The following SSPN variants were observed in gnomAD, a reference collection of about 807,000 sequenced individuals.
The protein encoded by SSPN is K-ras oncogene-associated protein.
In SSPN, 15 loss-of-function variants were observed where a neutral mutation model predicts 19.1. That is an observed-to-expected ratio of 0.78 (90% CI 0.52 to 1.21). The LOEUF is 1.21. Among genes scored for constraint, SSPN ranks in the 50% most tolerant of loss-of-function variants. The probability of loss-of-function intolerance (pLI) is 0.00; values close to 1 mark genes in which losing one functional copy is unlikely to be tolerated. For synonymous variants in SSPN, 147 were observed against 140.3 expected (o/e 1.05, Z -0.34); for missense variants, 291 against 314.0 (o/e 0.93, Z 0.55).
At chr12:26,122,681 C>T (rs1944322607) in intron 1 of SSPN, 1 of 1,551,916 alleles carries the variant, frequency 6.4e-7, no homozygotes, top group South Asian at 1.2e-5. Flanking sequence ...GCTTCATCCT[C>T]TTGGGCGCCG....
intron 1 of SSPN, among the ~76,000 whole-genome samples, chr12:26,221,683 A>C (rs758046185): frequency 6.6e-6 from 1 of 152,204 alleles, no homozygotes; most frequent in Non-Finnish European, 1.5e-5. Flanking sequence ...TTATTACTGG[A>C]ATGTGTCTCT....
At chr12:26,202,117 T>C (rs1944891376) in intron 1 of SSPN, among the ~76,000 whole-genome samples, 1 of 152,178 alleles carries the variant, frequency 6.6e-6, no homozygotes, top group African/African-American at 2.4e-5. Flanking sequence ...TAATACAATA[T>C]AAATACTATG....
intron 2 of SSPN, among the ~76,000 whole-genome samples, chr12:26,226,537 G>T (rs1472352045): frequency 1.3e-5 from 2 of 152,094 alleles, no homozygotes; most frequent in Non-Finnish European, 2.9e-5. Flanking sequence ...GCCCTCTGGG[G>T]GTTCGGGGAT....
At chr12:26,204,940 A>G (rs1313312585) in intron 1 of SSPN, among the ~76,000 whole-genome samples, 1 of 152,220 alleles carries the variant, frequency 6.6e-6, no homozygotes, top group Non-Finnish European at 1.5e-5. Flanking sequence ...TTTTGAGCAT[A>G]TTTAAAGTTG....
At position 26,124,937 on chromosome 12, in the gene SSPN, T is replaced by TC. The variant is rs200202440; in HGVS notation, c.-31+2793dup. The TC allele has an allele frequency of 8.6e-3, 6,482 of 751,328 alleles. 73 individuals carry two copies. Among genetic ancestry groups the TC allele is most frequent in the African/African-American group, 0.035 (2,033 of 57,744 alleles). 46.5% of individuals were successfully genotyped at this position (751,328 alleles called of 1,614,324 possible). On this transcript the variant is annotated intron_variant, in intron 1 of 2. Transcript: ENST00000538142. ...AGTGTTGAAAGTGTGAAGCAGTTGG[T>TC]CCCCCCCCTCCACCGCGCTCGCACA...
intron 1 of SSPN, among the ~76,000 whole-genome samples, chr12:26,189,839 T>C (rs1200161242): frequency 1.3e-5 from 2 of 152,232 alleles, no homozygotes; most frequent in Non-Finnish European, 2.9e-5. Flanking sequence ...TTCATGTGAT[T>C]TCTCTGTGGA....
At chr12:26,214,827 A>G (rs1373256674) in intron 1 of SSPN, 2 of 152,236 alleles carry the variant, frequency 1.3e-5, no homozygotes, top group African/African-American at 2.4e-5. Context: ...AAATATAGGA[A>G]GGGGATATCA....
chr12:26,227,016 C>T (rs1435310226), intron 2 of SSPN, among the ~76,000 whole-genome samples: 2 of 152,096 alleles, frequency 1.3e-5, no homozygotes, highest in Non-Finnish European at 1.5e-5. Context: ...CGCTGCGCAG[C>T]GCCGGGCTGA....
At chr12:26,213,463 C>T (rs899509248) in intron 1 of SSPN, among the ~76,000 whole-genome samples, 2 of 151,968 alleles carry the variant, frequency 1.3e-5, no homozygotes, top group Non-Finnish European at 2.9e-5. Flanking sequence ...TGAACCATTT[C>T]ACTAGACCCA....
intron 1 of SSPN, among the ~76,000 whole-genome samples, chr12:26,197,105 G>C (rs952955736): frequency 6.6e-5 from 10 of 152,164 alleles, no homozygotes; most frequent in Non-Finnish European, 1.3e-4. Context: ...CGAATCAAGA[G>C]AGACTAGAAA....
At chr12:26,132,340 CA>C (rs1565668207) in intron 1 of SSPN, among the ~76,000 whole-genome samples, 1 of 152,030 alleles carries the variant, frequency 6.6e-6, no homozygotes. Flanking sequence ...ACGTTGTCTT[CA>C]ATAAGTTTAC....
At position 26,232,213 on chromosome 12, in the gene SSPN, T is replaced by A; in HGVS notation, c.*1137T>A. 1 of 985,468 alleles carries A rather than the reference T, an allele frequency of 1.0e-6. No individual in the cohort carries two copies. The highest frequency in any genetic ancestry group is 1.2e-6 in the Non-Finnish European group (1 of 829,916). The allele number at this position is 985,468 out of a possible 1,614,324, so 61.0% of individuals were successfully genotyped here. On this transcript the variant is annotated 3_prime_UTR_variant, in exon 3 of 3. Transcript: ENST00000242729. ...TGTATTTGATACATAATCCTATTAT[T>A]AATTCGTATGCTTAGTCAACCTAGG...
intron 1 of SSPN, among the ~76,000 whole-genome samples, chr12:26,151,869 A>C (rs1259150321): frequency 1.3e-5 from 2 of 152,222 alleles, no homozygotes; most frequent in African/African-American, 4.8e-5. Context: ...AAAACAAAAC[A>C]AAGCAACTAG....
At chr12:26,211,100 GA>G (rs2137479630) in intron 1 of SSPN, 1 of 152,246 alleles carries the variant, frequency 6.6e-6, no homozygotes, top group African/African-American at 2.4e-5. Context: ...GATAAGGAAA[GA>G]AAAGCACATT....
At chr12:26,155,848 T>A (rs941181740) in intron 1 of SSPN, among the ~76,000 whole-genome samples, 1 of 152,148 alleles carries the variant, frequency 6.6e-6, no homozygotes, top group Non-Finnish European at 1.5e-5. Flanking sequence ...TTAGCCCCAG[T>A]GAACAGGGCA....
intron 1 of SSPN, among the ~76,000 whole-genome samples, chr12:26,223,241 G>A (rs559171404): frequency 2.0e-5 from 3 of 152,040 alleles, no homozygotes; most frequent in Non-Finnish European, 4.4e-5. Context: ...ATGGAGTTTC[G>A]CTCTTGTTAC....
At chr12:26,215,773 G>C (rs1945041293) in intron 1 of SSPN, among the ~76,000 whole-genome samples, 1 of 152,196 alleles carries the variant, frequency 6.6e-6, no homozygotes, top group African/African-American at 2.4e-5. Flanking sequence ...CAAACCACCA[G>C]TCAGATACAT....
At chr12:26,157,036 C>A (rs1308199764) in intron 1 of SSPN, among the ~76,000 whole-genome samples, 1 of 152,136 alleles carries the variant, frequency 6.6e-6, no homozygotes, top group Non-Finnish European at 1.5e-5. Context: ...AGGTTTAGAG[C>A]AGGGATCTTT....
chr12:26,137,280 T>G (rs894634772), intron 1 of SSPN, among the ~76,000 whole-genome samples: 1 of 152,204 alleles, frequency 6.6e-6, no homozygotes, highest in East Asian at 1.9e-4. Flanking sequence ...GCCCATAATC[T>G]TGACTGCCTG....
Sources: allele counts gnomAD v4.1 joint callset (sites outside exome capture counted in the v4.1 genomes callset), GRCh38; gene constraint gnomAD v4.1.1; transcripts MANE v1.5; gene names NCBI Gene and HGNC (gene_info 2026-07-23, HGNC 2026-07-21).